The following RAPGEF6 variants were observed in gnomAD, a reference collection of about 807,000 sequenced individuals.
The protein encoded by RAPGEF6 is Rap guanine nucleotide exchange factor 6.
RAPGEF6 carries 56 observed loss-of-function variants against 171.4 expected under a neutral mutation model. That is an observed-to-expected ratio of 0.33 (90% CI 0.26 to 0.41). RAPGEF6 has a LOEUF of 0.41. Ranked by LOEUF, RAPGEF6 falls within the 10% of genes least tolerant of loss-of-function variation. RAPGEF6 has a pLI of 1.00. For missense variants in RAPGEF6, 1,674 were observed against 1,921.4 expected (o/e 0.87, Z 2.41); for synonymous variants, 692 against 650.1 (o/e 1.06, Z -0.98).
intron 4 of RAPGEF6, among the ~76,000 whole-genome samples, chr5:131,591,847 G>A (rs763143165): frequency 9.2e-5 from 14 of 151,966 alleles, no homozygotes; most frequent in African/African-American, 1.5e-4. Flanking sequence ...AGATCAAATC[G>A]TACATAAAAC....
In RAPGEF6 at chr5:131,498,433, T is replaced by C. The variant is rs1756781365; in HGVS notation, c.1419+10A>G. 6.3e-7 allele frequency: 1 copy of C among 1,584,242 alleles called. No individual in the cohort carries two copies. The highest frequency in any genetic ancestry group is 1.8e-5 in the Admixed American group (1 of 55,674). On this transcript the variant is annotated intron_variant, in intron 12 of 27. Transcript: ENST00000509018. ...GTTAAAATCACTTTCATGCCCCTTA[T>C]AAAACCAACCTTATCTCTTAAGCTG...
intron 1 of RAPGEF6, among the ~76,000 whole-genome samples, chr5:131,617,400 T>C (rs907352580): frequency 2.0e-5 from 3 of 152,244 alleles, no homozygotes; most frequent in Admixed American, 2.0e-4. Flanking sequence ...ACTTGGATAA[T>C]CTGCTTAACG....
At chr5:131,570,898 A>C (rs1762238535) in intron 4 of RAPGEF6, among the ~76,000 whole-genome samples, 1 of 151,610 alleles carries the variant, frequency 6.6e-6, no homozygotes, top group Non-Finnish European at 1.5e-5. Flanking sequence ...TTGGTGAAAA[A>C]CTGAATGAAC....
intron 11 of RAPGEF6, 52 bp from the exon 12 acceptor site, chr5:131,498,659 C>T (rs1214658063): frequency 2.0e-6 from 3 of 1,518,130 alleles, no homozygotes; most frequent in African/African-American, 1.4e-5. Flanking sequence ...GACCCAAGAA[C>T]CAAAGAACTA....
At chr5:131,508,438 A>C (rs1757506319) in intron 8 of RAPGEF6, among the ~76,000 whole-genome samples, 1 of 152,250 alleles carries the variant, frequency 6.6e-6, no homozygotes, top group African/African-American at 2.4e-5. Flanking sequence ...AACAGAATTC[A>C]CAACCTCCAG....
chr5:131,527,303 CA>C (rs749579004), intron 6 of RAPGEF6, among the ~76,000 whole-genome samples: 1 of 151,428 alleles, frequency 6.6e-6, no homozygotes, highest in Non-Finnish European at 1.5e-5. Flanking sequence ...ACAACAACAA[CA>C]AAAAAAAACA....
At chr5:131,450,761 C>T (rs889049153) in intron 21 of RAPGEF6, among the ~76,000 whole-genome samples, 1 of 152,200 alleles carries the variant, frequency 6.6e-6, no homozygotes, top group African/African-American at 2.4e-5. Context: ...CATTTTAGCA[C>T]TGGCTGACAA....
At position 131,431,305 on chromosome 5, in the gene RAPGEF6, G is replaced by A. The variant is rs1442621646; in HGVS notation, c.4019C>T (p.Ser1340Leu). Residue 1340 changes from serine (S) to leucine (L), a missense_variant, in exon 26 of 28, where the codon TCA becomes TTA. This residue lies in a region of RAPGEF6 where 552 missense variants were observed against 574.2 expected (regional missense o/e 0.96). Transcript: ENST00000509018. ...AATCTCTTCATTGCTCACAGACGAT[G>A]AGACAGCTAAACACTTGATTAGAGA... The part of the protein sequence containing the change: ...KPSLIKCLAV[S>L]SSVSNEEISQ... 2 of 1,612,850 alleles carry A rather than the reference G, an allele frequency of 1.2e-6. No individual in the cohort carries two copies. Among genetic ancestry groups the A allele is most frequent in the Middle Eastern group, 1.7e-4 (1 of 6,058 alleles).
Position 131,461,928 on chromosome 5 carries a change from G to C in RAPGEF6, c.2641C>G (p.Pro881Ala), listed in dbSNP as rs1040271628. ...RDFDLFRNIE[P>A]TEYIDDLFKL... Reference sequence around the variant, plus strand: ...AAAAGGTCATCGATGTACTCAGTCGGTTCAATATTACGAAACAAATCAAAG... The same window carrying C: ...AAAAGGTCATCGATGTACTCAGTCGCTTCAATATTACGAAACAAATCAAAG... Residue 881 changes from proline to alanine, a missense_variant, in exon 19 of 28, where the codon CCG becomes GCG. By Grantham distance (27) the Pro-to-Ala change is conservative (BLOSUM62 -1). Transcript: ENST00000509018. 2 of 1,613,964 alleles carry C rather than the reference G, an allele frequency of 1.2e-6. No homozygotes were observed. Among genetic ancestry groups the C allele is most frequent in the Non-Finnish European group, 1.7e-6 (2 of 1,179,996 alleles).
At chr5:131,511,052 A>C (rs957990743) in intron 7 of RAPGEF6, among the ~76,000 whole-genome samples, 7 of 152,196 alleles carry the variant, frequency 4.6e-5, no homozygotes, top group South Asian at 2.1e-4. Context: ...TTCATTTCCC[A>C]ATACTTTACT....
intron 20 of RAPGEF6, among the ~76,000 whole-genome samples, chr5:131,453,602 C>CA (rs993061441): frequency 5.3e-5 from 8 of 151,884 alleles, no homozygotes; most frequent in African/African-American, 7.3e-5. Flanking sequence ...AAAAAATCCA[C>CA]AAAAAAACAA....
chr5:131,580,440 G>A (rs1292845563), intron 4 of RAPGEF6, among the ~76,000 whole-genome samples: 1 of 152,036 alleles, frequency 6.6e-6, no homozygotes, highest in Non-Finnish European at 1.5e-5. Context: ...TACAAGCAGA[G>A]GAAGCTGGCT....
intron 4 of RAPGEF6, among the ~76,000 whole-genome samples, chr5:131,576,660 A>C (rs540344216): frequency 1.3e-5 from 2 of 152,272 alleles, no homozygotes; most frequent in South Asian, 4.1e-4. Flanking sequence ...TCTGTCCCTC[A>C]CGACCAGTTT....
At chr5:131,581,232 T>C (rs1428215173) in intron 4 of RAPGEF6, among the ~76,000 whole-genome samples, 1 of 152,204 alleles carries the variant, frequency 6.6e-6, no homozygotes, top group Admixed American at 6.5e-5. Flanking sequence ...AAAAGTGTTG[T>C]TTTTACTTAA....
At chr5:131,549,549 A>C (rs1760777830) in intron 5 of RAPGEF6, among the ~76,000 whole-genome samples, 1 of 152,158 alleles carries the variant, frequency 6.6e-6, no homozygotes, top group African/African-American at 2.4e-5. Flanking sequence ...ACTGCAATAA[A>C]AGTTATGTGG....
At chr5:131,593,992 C>G (rs1763739542) in intron 3 of RAPGEF6, among the ~76,000 whole-genome samples, 1 of 152,126 alleles carries the variant, frequency 6.6e-6, no homozygotes, top group African/African-American at 2.4e-5. Context: ...GAAATGTGCA[C>G]AAAAGGAGCC....
chr5:131,633,572 A>G (rs1363483769), intron 1 of RAPGEF6, among the ~76,000 whole-genome samples: 1 of 152,066 alleles, frequency 6.6e-6, no homozygotes, highest in Non-Finnish European at 1.5e-5. Flanking sequence ...TCTACTAAAA[A>G]TACAAAAAAT....
rs142409833 is a variant in RAPGEF6, at chr5:131,440,766, G to C, written c.3611-1051C>G. 2.1e-3 allele frequency among the ~76,000 whole-genome samples: 280 copies of C among 131,932 alleles called. 1 individual carries two copies. The highest frequency in any genetic ancestry group is 7.5e-3 in the African/African-American group (271 of 36,156). 86.6% of individuals were successfully genotyped at this position (131,932 alleles called of 152,430 possible). On this transcript the variant is annotated intron_variant, in intron 23 of 27. Transcript: ENST00000509018. ...AAAAAAAAAAAAAAAAAAAAAGAAA[G>C]AAAGGAAGCTACATAGTATAAGTAA...
chr5:131,570,715 C>G (rs1267655669), intron 4 of RAPGEF6, among the ~76,000 whole-genome samples: 1 of 152,010 alleles, frequency 6.6e-6, no homozygotes, highest in African/African-American at 2.4e-5. Flanking sequence ...ATTCCATTTA[C>G]ATAAAATAGC....
Sources: gnomAD v4.1 joint callset for allele counts (sites outside exome capture counted in the v4.1 genomes callset) on GRCh38, gnomAD v4.1.1 for gene constraint, gnomAD v4.1.1 regional missense constraint, MANE v1.5 for transcripts, NCBI Gene and HGNC (gene_info 2026-07-23, HGNC 2026-07-21) for gene names.